CEP120: variants seen among roughly 807,000 people sequenced by gnomAD.
The protein encoded by CEP120 is centrosomal protein 120, also known as centrosomal protein of 120 kDa.
Under a neutral mutation model 126.5 loss-of-function variants are expected in CEP120, and 113 were observed. The ratio of observed to expected loss-of-function variants is 0.89; its 90% CI spans 0.77 to 1.04. The LOEUF (loss-of-function observed/expected upper bound fraction) is 1.04. Ranked by LOEUF, CEP120 falls within the 50% of genes least tolerant of loss-of-function variation. The pLI is 0.00. For synonymous variants in CEP120, 400 were observed against 394.3 expected, an observed-to-expected ratio of 1.01 and a Z score of -0.17; for missense variants, 1,230 against 1,155.7, an observed-to-expected ratio of 1.06 and a Z score of -0.93.
chr5:123,383,291 C>CA (rs1771785274), intron 11 of CEP120, among the ~76,000 whole-genome samples: 2 of 152,026 alleles, frequency 1.3e-5, no homozygotes, highest in South Asian at 4.1e-4. Context: ...TAAATACACG[C>CA]ATACATTTAC....
At chr5:123,396,361 G>A (rs1772791817) in intron 5 of CEP120, among the ~76,000 whole-genome samples, 1 of 151,700 alleles carries the variant, frequency 6.6e-6, no homozygotes. Context: ...TTAACTTTGT[G>A]AGGAATCTAT....
intron 19 of CEP120, among the ~76,000 whole-genome samples, chr5:123,349,159 C>T (rs987867191): frequency 2.0e-5 from 3 of 152,100 alleles, no homozygotes; most frequent in Non-Finnish European, 2.9e-5. Context: ...TTCAGATGAA[C>T]GCAGCACTAC....
intron 18 of CEP120, among the ~76,000 whole-genome samples, chr5:123,359,642 A>G (rs1462652274): frequency 3.3e-5 from 5 of 152,128 alleles, no homozygotes; most frequent in African/African-American, 1.2e-4. Context: ...ACTTAAGGGT[A>G]TCACTTCCTC....
In CEP120 at chr5:123,385,394, C is replaced by T. The variant is rs7713124; in HGVS notation, c.1581-261G>A. Among the ~76,000 whole-genome samples, 40,895 of 151,976 alleles carry T rather than the reference C, an allele frequency of 0.27. 5,703 individuals are homozygous for T. Among genetic ancestry groups the T allele is most frequent in the Middle Eastern group, 0.3 (87 of 294 alleles). On this transcript the variant is annotated intron_variant, in intron 10 of 19. Coordinates refer to ENST00000306467, the MANE Select transcript of CEP120 (RefSeq NM_001375405.1). Reference sequence around the variant, plus strand: ...TTACTGTATCTTTTCTGTTTAGATACACAAATACTTACCTTTGTCCAACTG... The same window carrying T: ...TTACTGTATCTTTTCTGTTTAGATATACAAATACTTACCTTTGTCCAACTG...
rs750390967 is a variant in CEP120 at position 123,393,468 on chromosome 5, T to C, written c.642A>G (p.Glu214=). Residue 214 remains glutamate, a synonymous_variant, in exon 6 of 20, where the codon GAA becomes GAG. Transcript: ENST00000306467. ...QLIPCTMKLP[E]RQPEFFFYYS... ...AGTAAAAGAAAAACTCAGGCTGTCT[T>C]TCTGGAAGTTTCATGGTACATGGAA... 9.9e-6 allele frequency: 16 copies of C among 1,614,082 alleles called. No individual in the cohort carries two copies. The highest frequency in any genetic ancestry group is 1.4e-5 in the Non-Finnish European group (16 of 1,179,958).
At chr5:123,359,915 T>C (rs1769946763) in intron 18 of CEP120, among the ~76,000 whole-genome samples, 2 of 152,140 alleles carry the variant, frequency 1.3e-5, no homozygotes, top group South Asian at 2.1e-4. Context: ...TTAGGTCTTA[T>C]TTCCAAGCTT....
At chr5:123,362,872 A>G (rs968734279) in intron 18 of CEP120, among the ~76,000 whole-genome samples, 6 of 151,654 alleles carry the variant, frequency 4.0e-5, no homozygotes, top group African/African-American at 1.2e-4. Context: ...TTCATTCTGT[A>G]AAAATTAAAA....
At position 123,391,338 on chromosome 5, in the gene CEP120, C is replaced by T. The variant is rs1356904227; in HGVS notation, c.811-1G>A. On this transcript the variant is annotated splice_acceptor_variant, in intron 6 of 19. Transcript: ENST00000306467. LOFTEE classifies it high-confidence loss of function. The stretch of plus-strand genomic sequence containing the variant: ...ACTGGTCTCCACAGCAGAGGTGAAT[C>T]TAATATGAAAGGGAAAAATCAAAAT... 6.2e-7 allele frequency: 1 copy of T among 1,605,608 alleles called. No individual in the cohort carries two copies. Among genetic ancestry groups the T allele is most frequent in the Non-Finnish European group, 8.5e-7 (1 of 1,173,004 alleles).
chr5:123,353,464 A>G (rs1769346520), intron 18 of CEP120, among the ~76,000 whole-genome samples: 1 of 151,662 alleles, frequency 6.6e-6, no homozygotes, highest in Non-Finnish European at 1.5e-5. Flanking sequence ...TGGCCAATTA[A>G]TTTTGTCCTT....
Position 123,418,368 on chromosome 5 carries a change from T to G in CEP120, c.197A>C (p.His66Pro). The G allele has an allele frequency of 1.2e-6, 2 of 1,601,544 alleles. No homozygotes were observed. Among genetic ancestry groups the G allele is most frequent in the Non-Finnish European group, 1.7e-6 (2 of 1,172,888 alleles). ...TGAAAATGATAATCACCTGTGCTGA[T>G]GAAGCGCTTTCCTGTCAATTTCCCA... ...LAWEIDRKAL[H>P]QHRLQRTPIK... Residue 66 changes from histidine (H) to proline (P), a missense_variant, in exon 2 of 20, where the codon CAT becomes CCT. Coordinates refer to ENST00000306467, the MANE Select transcript of CEP120 (RefSeq NM_001375405.1).
chr5:123,353,457 C>A (rs1480281981), intron 18 of CEP120, among the ~76,000 whole-genome samples: 1 of 151,286 alleles, frequency 6.6e-6, no homozygotes, highest in Non-Finnish European at 1.5e-5. Context: ...AAAAGACTGG[C>A]CAATTAATTT....
At chr5:123,423,433 G>C, upstream of CEP120, 1 of 184,730 alleles carries the variant, frequency 5.4e-6, no homozygotes, top group South Asian at 1.1e-4. Context: ...GTCAAGGCTA[G>C]AACGCCCGTC....
At chr5:123,378,272 A>G in intron 15 of CEP120, 64 bp downstream of exon 15, 2 of 1,223,862 alleles carry the variant, frequency 1.6e-6, no homozygotes, top group South Asian at 1.4e-5. Flanking sequence ...CTTTTAAAAT[A>G]GTATTTCTAC....
intron 1 of CEP120, among the ~76,000 whole-genome samples, chr5:123,420,158 A>C (rs535299709): frequency 3.2e-4 from 49 of 152,338 alleles, no homozygotes; most frequent in African/African-American, 1.2e-3. Flanking sequence ...GGCCCATCTC[A>C]GGACCTCATT....
chr5:123,396,095 G>A (rs953150838), intron 5 of CEP120, among the ~76,000 whole-genome samples: 4 of 151,122 alleles, frequency 2.6e-5, no homozygotes, highest in Non-Finnish European at 4.4e-5. Context: ...AGGCTCCTGA[G>A]TAGCTAAGAT....
chr5:123,359,789 TAGA>T (rs1212400264), intron 18 of CEP120, among the ~76,000 whole-genome samples: 1 of 151,966 alleles, frequency 6.6e-6, no homozygotes, highest in Non-Finnish European at 1.5e-5. Flanking sequence ...TCTAAATAAT[TAGA>T]AGGTTATAAA....
intron 8 of CEP120, among the ~76,000 whole-genome samples, chr5:123,389,146 C>A (rs1411999420): frequency 6.6e-6 from 1 of 152,168 alleles, no homozygotes; most frequent in Non-Finnish European, 1.5e-5. Flanking sequence ...ACATCTAACT[C>A]CTAATCCACT....
intron 4 of CEP120, among the ~76,000 whole-genome samples, chr5:123,406,435 A>G (rs1773670778): frequency 6.6e-6 from 1 of 151,372 alleles, no homozygotes; most frequent in South Asian, 2.1e-4. Flanking sequence ...ATATTAAAAC[A>G]TCAGAAAATC....
chr5:123,378,413 T>C lies in CEP120; in HGVS notation c.2119A>G (p.Ile707Val), dbSNP rs200462051. Reference protein sequence around the residue: ...LVKKKVAEYTILEGKLQKTLI... With the variant: ...LVKKKVAEYTVLEGKLQKTLI... ...GTTTTTTGAAGTTTTCCTTCTAGAA[T>C]AGTATATTCAGCCACCTAAAATATA... The change falls in exon 15 of 20, where the codon ATT (isoleucine) becomes GTT (valine). Residue 707 changes from isoleucine (I) to valine (V), a missense_variant. By Grantham distance (29) the Ile-to-Val change is conservative. Coordinates refer to ENST00000306467, the MANE Select transcript of CEP120 (RefSeq NM_001375405.1). 4.1e-5 allele frequency: 65 copies of C among 1,580,208 alleles called. No individual in the cohort carries two copies. The highest frequency in any genetic ancestry group is 4.7e-5 in the Non-Finnish European group (55 of 1,166,256).
Sources: gnomAD v4.1 joint callset for allele counts (sites outside exome capture counted in the v4.1 genomes callset) on GRCh38, gnomAD v4.1.1 for gene constraint, MANE v1.5 for transcripts, NCBI Gene and HGNC (gene_info 2026-07-23, HGNC 2026-07-21) for gene names.